Variants in DPH6 observed in about 807,000 individuals in gnomAD.
DPH6 encodes diphthamine biosynthesis 6.
A neutral mutation model predicts 38.2 loss-of-function variants in DPH6; 33 were observed. That is an observed-to-expected ratio of 0.86 (90% CI 0.65 to 1.15). DPH6 has a LOEUF of 1.15. DPH6 is among the 50% of genes most tolerant of loss of function. The probability of loss-of-function intolerance (pLI) is 0.00; values close to 1 mark genes in which losing one functional copy is unlikely to be tolerated. For missense variants in DPH6, 325 were observed against 320.0 expected (o/e 1.02, Z -0.12); for synonymous variants, 108 against 103.0 (o/e 1.05, Z -0.30).
intron 5 of DPH6, among the ~76,000 whole-genome samples, chr15:35,427,021 T>TA (rs67109450): frequency 2.4e-4 from 35 of 145,704 alleles, no homozygotes; most frequent in Admixed American, 4.1e-4. Flanking sequence ...AAAAAAAAGA[T>TA]AAAAAAAAAG....
chr15:35,520,236 A>C (rs112391307), intron 3 of DPH6: 43,121 of 813,978 alleles, frequency 0.053, 1,563 homozygotes, highest in African/African-American at 0.18. Context: ...AAAACAAAAA[A>C]AAAACAAAAG....
At chr15:35,419,431 A>C (rs1448503644) in intron 5 of DPH6, among the ~76,000 whole-genome samples, 2 of 152,066 alleles carry the variant, frequency 1.3e-5, no homozygotes, top group Non-Finnish European at 2.9e-5. Flanking sequence ...TTGTGTTATG[A>C]GTTATCTCAA....
intron 5 of DPH6, among the ~76,000 whole-genome samples, chr15:35,411,706 T>C (rs2053369220): frequency 1.3e-5 from 2 of 151,736 alleles, no homozygotes; most frequent in Non-Finnish European, 3.0e-5. Flanking sequence ...CATATTTACA[T>C]ATATTGGCAT....
At chr15:35,308,230 C>T (rs894556877) in intron 3 of DPH6, among the ~76,000 whole-genome samples, 8 of 152,052 alleles carry the variant, frequency 5.3e-5, no homozygotes, top group Non-Finnish European at 1.2e-4. Context: ...GATCCTGTCA[C>T]TGCATAAATA....
At chr15:35,248,109 T>C (rs1168801626) in intron 3 of DPH6, among the ~76,000 whole-genome samples, 16 of 152,218 alleles carry the variant, frequency 1.1e-4, no homozygotes, top group Non-Finnish European at 2.9e-5. Flanking sequence ...TACGCTTTTG[T>C]TGAGGCTCAG....
intron 7 of DPH6, among the ~76,000 whole-genome samples, chr15:35,380,614 T>TCA (rs1311908460): frequency 6.6e-6 from 1 of 152,202 alleles, no homozygotes; most frequent in Non-Finnish European, 1.5e-5. Flanking sequence ...TACTATAATT[T>TCA]CACACTAGCT....
intron 3 of DPH6, among the ~76,000 whole-genome samples, chr15:35,475,620 T>C (rs1340574602): frequency 6.6e-6 from 1 of 151,938 alleles, no homozygotes; most frequent in African/African-American, 2.4e-5. Flanking sequence ...ACTTTTCTGA[T>C]GTTGTTGCTA....
chr15:35,531,043 G>A (rs1032094733), intron 3 of DPH6, among the ~76,000 whole-genome samples: 3 of 152,164 alleles, frequency 2.0e-5, no homozygotes, highest in Non-Finnish European at 4.4e-5. Flanking sequence ...AGGGCTGTGT[G>A]CCTGTTTAAC....
chr15:35,525,316 C>T (rs987367231), intron 3 of DPH6, among the ~76,000 whole-genome samples: 2 of 152,118 alleles, frequency 1.3e-5, no homozygotes, highest in African/African-American at 4.8e-5. Flanking sequence ...ATTGTCCCAT[C>T]CCTGGCCCCC....
chr15:35,522,054 A>G, intron 3 of DPH6: 1 of 1,592,746 alleles, frequency 6.3e-7, no homozygotes, highest in South Asian at 1.1e-5. Context: ...AAGTTTTTAA[A>G]CAGGAAAAGG....
intron 3 of DPH6, among the ~76,000 whole-genome samples, chr15:35,340,838 T>G (rs2052415002): frequency 6.6e-6 from 1 of 152,150 alleles, no homozygotes; most frequent in South Asian, 2.1e-4. Flanking sequence ...ACTTCAAGAA[T>G]CTGATGATTA....
At chr15:35,277,620 A>G (rs2051867919) in intron 3 of DPH6, among the ~76,000 whole-genome samples, 2 of 152,212 alleles carry the variant, frequency 1.3e-5, no homozygotes, top group South Asian at 4.1e-4. Context: ...AAAGTTTCCA[A>G]CTTCTTAGAA....
At chr15:35,364,727 C>G (rs1457859451) in intron 3 of DPH6, among the ~76,000 whole-genome samples, 1 of 151,780 alleles carries the variant, frequency 6.6e-6, no homozygotes, top group Non-Finnish European at 1.5e-5. Context: ...TTGTTTCCAG[C>G]AGTTTTACCA....
exon 4 of DPH6, chr15:35,218,610 C>G (rs929680531): frequency 6.6e-6 from 1 of 152,188 alleles, no homozygotes; most frequent in African/African-American, 2.4e-5. Flanking sequence ...AGGATTAATG[C>G]TACAAAGTGG....
intron 3 of DPH6, among the ~76,000 whole-genome samples, chr15:35,311,361 T>C (rs745936527): frequency 5.1e-4 from 77 of 152,166 alleles, no homozygotes; most frequent in Non-Finnish European, 1.6e-4. Flanking sequence ...TCTCCACAAG[T>C]GGTTATACAG....
chr15:35,350,645 T>C (rs183116572), intron 3 of DPH6, among the ~76,000 whole-genome samples: 78 of 152,320 alleles, frequency 5.1e-4, no homozygotes, highest in African/African-American at 1.8e-3. Context: ...TCATTTTCAC[T>C]TGACCTAAGA....
At chr15:35,289,457 T>C (rs1448215610) in intron 3 of DPH6, among the ~76,000 whole-genome samples, 2 of 152,196 alleles carry the variant, frequency 1.3e-5, no homozygotes, top group Non-Finnish European at 2.9e-5. Context: ...AGAGCTTCTG[T>C]GATTTATTTT....
At chr15:35,344,088 A>G (rs2052443405) in intron 3 of DPH6, among the ~76,000 whole-genome samples, 1 of 152,032 alleles carries the variant, frequency 6.6e-6, no homozygotes, top group African/African-American at 2.4e-5. Flanking sequence ...TGAAGTAGTC[A>G]ATTAAGATAA....
At chr15:35,203,862 T>C in the DPH6 span, among the ~76,000 whole-genome samples, 2 of 151,748 alleles carry the variant, frequency 1.3e-5, no homozygotes, top group African/African-American at 4.8e-5. Context: ...TTTGTTAATG[T>C]CAGCCATCAC....
Sources: allele counts gnomAD v4.1 joint callset (sites outside exome capture counted in the v4.1 genomes callset), GRCh38; gene constraint gnomAD v4.1.1; transcripts MANE v1.5; gene names NCBI Gene and HGNC (gene_info 2026-07-23, HGNC 2026-07-21).